The following LYRM4 variants were observed in gnomAD, a reference collection of about 807,000 sequenced individuals.
LYRM4 encodes the protein LYR motif-containing protein 4.
A neutral mutation model predicts 11.7 loss-of-function variants in LYRM4; 9 were observed. That is an observed-to-expected ratio of 0.77 (90% CI 0.46 to 1.34). The LOEUF (loss-of-function observed/expected upper bound fraction) is 1.34. Ranked by LOEUF, LYRM4 falls within the 40% of genes most tolerant of loss-of-function variation. The probability of loss-of-function intolerance (pLI) is 0.00; values close to 1 mark genes in which losing one functional copy is unlikely to be tolerated. For synonymous variants in LYRM4, 42 were observed against 40.4 expected (o/e 1.04, Z -0.15); for missense variants, 133 against 112.5 (o/e 1.18, Z -0.82).
chr6:5,130,016 T>C (rs754725309), intron 2 of LYRM4, among the ~76,000 whole-genome samples: 2 of 152,250 alleles, frequency 1.3e-5, no homozygotes, highest in Non-Finnish European at 2.9e-5. Flanking sequence ...GTTCTAAATA[T>C]GGATTAGATT....
chr6:5,254,612 C>T (rs1257659091), intron 1 of LYRM4, among the ~76,000 whole-genome samples: 2 of 152,088 alleles, frequency 1.3e-5, no homozygotes, highest in East Asian at 1.9e-4. Flanking sequence ...TGATATGTGC[C>T]CTAACAAAGG....
At chr6:5,077,261 C>T in the LYRM4 span, among the ~76,000 whole-genome samples, 1 of 152,250 alleles carries the variant, frequency 6.6e-6, no homozygotes, top group African/African-American at 2.4e-5. Flanking sequence ...AGTGAGAACG[C>T]AAAGTTCTTC....
At chr6:5,038,516 T>G in the LYRM4 span, among the ~76,000 whole-genome samples, 3 of 65,108 alleles carry the variant, frequency 4.6e-5, 1 homozygote, top group African/African-American at 1.2e-4. Context: ...TCTCGGCACT[T>G]TGGGAGGCCA....
chr6:5,211,494 A>C (rs1411127710), intron 2 of LYRM4, among the ~76,000 whole-genome samples: 1 of 152,274 alleles, frequency 6.6e-6, no homozygotes, highest in Non-Finnish European at 1.5e-5. Flanking sequence ...TCTCACACTT[A>C]CATTAACAAA....
the LYRM4 span, among the ~76,000 whole-genome samples, chr6:5,055,660 C>A: frequency 6.6e-6 from 1 of 152,154 alleles, no homozygotes; most frequent in Non-Finnish European, 1.5e-5. The surrounding 1 kb of genome is among the most constrained non-coding windows in gnomAD (Gnocchi z 4.5). Flanking sequence ...ACTGAATATA[C>A]CTTCACTCTA....
chr6:5,094,317 A>T, the LYRM4 span, among the ~76,000 whole-genome samples: 1 of 152,136 alleles, frequency 6.6e-6, no homozygotes, highest in Non-Finnish European at 1.5e-5. Flanking sequence ...TCTCATCTCT[A>T]TAAAAAAATT....
intron 2 of LYRM4, among the ~76,000 whole-genome samples, chr6:5,202,882 T>C (rs1761470362): frequency 6.6e-6 from 1 of 152,220 alleles, no homozygotes; most frequent in South Asian, 2.1e-4. Flanking sequence ...TCCTTTATAA[T>C]TATAGCATAT....
At chr6:5,256,382 C>T (rs562086294) in intron 1 of LYRM4, among the ~76,000 whole-genome samples, 3 of 150,592 alleles carry the variant, frequency 2.0e-5, no homozygotes, top group South Asian at 2.1e-4. Flanking sequence ...CCCAGCTACT[C>T]GGGAGGCTGA....
intron 2 of LYRM4, among the ~76,000 whole-genome samples, chr6:5,118,094 A>ATTTTTTTTT (rs1554126847): frequency 2.3e-5 from 2 of 86,114 alleles, no homozygotes; most frequent in African/African-American, 7.8e-5. Flanking sequence ...ATATATATAT[A>ATTTTTTTTT]TTTTTGTTTT....
intron 1 of LYRM4, among the ~76,000 whole-genome samples, chr6:5,235,042 CA>C (rs1763458128): frequency 6.6e-6 from 1 of 152,008 alleles, no homozygotes; most frequent in Non-Finnish European, 1.5e-5. Context: ...CTCCTCCCAC[CA>C]GGTTCCTCAT....
chr6:5,103,023 G>A (rs1231613476), downstream of LYRM4: 1 of 152,108 alleles, frequency 6.6e-6, no homozygotes, highest in Non-Finnish European at 1.5e-5. Context: ...ATATCAACAC[G>A]AGAAGCCATT....
At position 5,260,907 on chromosome 6, in the gene LYRM4, C is replaced by G; in HGVS notation, c.-174G>C. On this transcript the variant is annotated 5_prime_UTR_variant, in exon 1 of 3. Coordinates refer to ENST00000330636, the MANE Select transcript of LYRM4 (RefSeq NM_020408.6). The stretch of plus-strand genomic sequence containing the variant: ...GCAGCCCTGCGGATCGCGGACGGCG[C>G]CAGGCGTCCCGCGCCGCTTCGGGGG... 7.3e-7 allele frequency: 1 copy of G among 1,379,286 alleles called. No individual in the cohort carries two copies. Among genetic ancestry groups the G allele is most frequent in the Non-Finnish European group, 9.3e-7 (1 of 1,072,552 alleles). 85.4% of individuals were successfully genotyped at this position (1,379,286 alleles called of 1,614,324 possible). A position where few individuals can be genotyped will look rare whatever the true frequency, so the allele number is the denominator to read the frequency against.
the LYRM4 span, among the ~76,000 whole-genome samples, chr6:5,072,958 G>A: frequency 2.0e-5 from 3 of 152,122 alleles, no homozygotes; most frequent in Non-Finnish European, 2.9e-5. Flanking sequence ...ATCACAAAAT[G>A]TATGAAACAT....
At chr6:5,086,414 T>C in the LYRM4 span, 3 of 1,536,428 alleles carry the variant, frequency 2.0e-6, no homozygotes, top group Non-Finnish European at 2.6e-6. Context: ...CCCCCGGGCC[T>C]GCAGCCTGAG....
intron 2 of LYRM4, among the ~76,000 whole-genome samples, chr6:5,180,596 C>A (rs112609565): frequency 0.022 from 3,328 of 152,260 alleles, 102 homozygotes; most frequent in African/African-American, 0.071. Flanking sequence ...AATCTGTCAC[C>A]CCTGAGCTTG....
intron 2 of LYRM4, among the ~76,000 whole-genome samples, chr6:5,134,062 G>A (rs12527669): frequency 3.3e-5 from 5 of 152,200 alleles, no homozygotes; most frequent in African/African-American, 7.2e-5. Flanking sequence ...GTGCTGCTGT[G>A]AACATACGAA....
At chr6:5,142,478 T>G (rs1006753432) in intron 2 of LYRM4, among the ~76,000 whole-genome samples, 2 of 152,222 alleles carry the variant, frequency 1.3e-5, no homozygotes, top group Admixed American at 6.5e-5. Flanking sequence ...CCTGTCTGAA[T>G]TCTTGACCTA....
intron 2 of LYRM4, among the ~76,000 whole-genome samples, chr6:5,181,065 C>T (rs972312765): frequency 1.3e-5 from 2 of 152,116 alleles, no homozygotes; most frequent in Admixed American, 6.5e-5. Flanking sequence ...GAAAGGATCA[C>T]GCCCATTTAA....
At chr6:5,045,943 A>C in the LYRM4 span, among the ~76,000 whole-genome samples, 1 of 152,218 alleles carries the variant, frequency 6.6e-6, no homozygotes, top group Non-Finnish European at 1.5e-5. Flanking sequence ...CTAAAAGAGC[A>C]GGACATCGTG....
Sources: allele counts gnomAD v4.1 joint callset (sites outside exome capture counted in the v4.1 genomes callset), GRCh38; gene constraint gnomAD v4.1.1; non-coding constraint Gnocchi (gnomAD v3.1); transcripts MANE v1.5; gene names NCBI Gene and HGNC (gene_info 2026-07-23, HGNC 2026-07-21).